The following TPRG1 variants were observed in gnomAD, a reference collection of about 807,000 sequenced individuals.
TPRG1 encodes tumor protein p63-regulated gene 1 protein.
In TPRG1, 29 loss-of-function variants were observed where a neutral mutation model predicts 29.3. That is an observed-to-expected ratio of 0.99 (90% CI 0.74 to 1.35). The LOEUF is 1.35. Ranked by LOEUF, TPRG1 falls within the 40% of genes most tolerant of loss-of-function variation. The pLI is 0.00. For synonymous variants in TPRG1, 130 were observed against 116.8 expected (o/e 1.11, Z -0.73); for missense variants, 327 against 335.0 (o/e 0.98, Z 0.19).
intron 3 of TPRG1, among the ~76,000 whole-genome samples, chr3:189,222,669 C>T (rs1345088155): frequency 6.6e-6 from 1 of 152,220 alleles, no homozygotes; most frequent in Non-Finnish European, 1.5e-5. Flanking sequence ...CCAGATCACT[C>T]TCATGTTCAT....
chr3:189,310,653 ATAAAAT>A, intron 5 of TPRG1, 114 bp downstream of exon 5: 2 of 506,848 alleles, frequency 3.9e-6, no homozygotes, highest in South Asian at 1.7e-4. Flanking sequence ...ATAAAATAAA[ATAAAAT>A]AAAATAAAAC....
At chr3:189,172,461 T>G (rs985965823) in intron 1 of TPRG1, among the ~76,000 whole-genome samples, 1 of 152,196 alleles carries the variant, frequency 6.6e-6, no homozygotes, top group Non-Finnish European at 1.5e-5. Context: ...GCTTGGTCAA[T>G]TGAAGTGATT....
At position 189,230,891 on chromosome 3, in the gene TPRG1, C is replaced by T. The variant is rs561880212; in HGVS notation, c.303-7842C>T. ...GTTCAATCACAAATCAGTAACTTCA[C>T]TTTTCAGCTATTAATATCATCCTGA... On this transcript the variant is annotated intron_variant, in intron 3 of 5. Transcript: ENST00000345063. 5.3e-4 allele frequency among the ~76,000 whole-genome samples: 80 copies of T among 152,294 alleles called. No homozygotes were observed. In the South Asian group the frequency reaches 0.016, roughly 30 times the overall value.
chr3:189,215,387 A>G lies in TPRG1; in HGVS notation c.302+4A>G, dbSNP rs1196861657. On this transcript the variant is annotated splice_donor_region_variant and intron_variant, in intron 3 of 5. Transcript: ENST00000345063. Reference sequence around the variant, plus strand: ...AAGGCTTCTGGCTCTTGACAAAGTGAGTAGTCACAGCTAAGTGAAGGGCCG... The same window carrying G: ...AAGGCTTCTGGCTCTTGACAAAGTGGGTAGTCACAGCTAAGTGAAGGGCCG... 1.2e-6 allele frequency: 2 copies of G among 1,609,552 alleles called. No homozygotes were observed. The highest frequency in any genetic ancestry group is 2.7e-5 in the African/African-American group (2 of 74,598).
chr3:189,083,512 C>T (rs1002450787), intron 4 of TPRG1, among the ~76,000 whole-genome samples: 1 of 152,196 alleles, frequency 6.6e-6, no homozygotes, highest in Non-Finnish European at 1.5e-5. Context: ...AATTTTAATA[C>T]CAGCTTTGTC....
At chr3:189,106,833 G>T (rs1216273316) in intron 1 of TPRG1, among the ~76,000 whole-genome samples, 1 of 151,890 alleles carries the variant, frequency 6.6e-6, no homozygotes, top group African/African-American at 2.4e-5. Flanking sequence ...ATGAACCTAG[G>T]GCCCAGAAAA....
chr3:189,295,913 T>TTA (rs1553941844), intron 4 of TPRG1, among the ~76,000 whole-genome samples: 1 of 97,236 alleles, frequency 1.0e-5, no homozygotes, highest in African/African-American at 5.0e-5. Context: ...AATGATGCTT[T>TTA]AAAAAAAAAA....
chr3:189,124,348 T>C (rs906264289), intron 1 of TPRG1, among the ~76,000 whole-genome samples: 3 of 152,068 alleles, frequency 2.0e-5, no homozygotes, highest in Non-Finnish European at 4.4e-5. Context: ...TGACAAAAGC[T>C]CCATCCTGTA....
intron 1 of TPRG1, among the ~76,000 whole-genome samples, chr3:189,108,414 C>T (rs1267458395): frequency 6.6e-6 from 1 of 152,026 alleles, no homozygotes. Context: ...ACATAATTGC[C>T]ATGACAGAGG....
intron 4 of TPRG1, among the ~76,000 whole-genome samples, chr3:189,271,939 T>A (rs1715208028): frequency 6.6e-6 from 1 of 152,218 alleles, no homozygotes; most frequent in Admixed American, 6.5e-5. Context: ...TGGTATCTGG[T>A]CAGTCTAAAA....
chr3:189,091,685 T>C (rs939411400), intron 4 of TPRG1, among the ~76,000 whole-genome samples: 3 of 152,184 alleles, frequency 2.0e-5, no homozygotes, highest in Admixed American at 6.5e-5. Flanking sequence ...TTTTTCTCTC[T>C]CCTCCTCCTC....
chr3:189,260,428 A>G (rs935301560), intron 4 of TPRG1, among the ~76,000 whole-genome samples: 13 of 152,284 alleles, frequency 8.5e-5, no homozygotes, highest in Admixed American at 7.8e-4. Flanking sequence ...ATTGAATCCT[A>G]TACCCTTGTA....
At chr3:189,201,584 A>G (rs907999084) in intron 1 of TPRG1, among the ~76,000 whole-genome samples, 1 of 152,204 alleles carries the variant, frequency 6.6e-6, no homozygotes, top group African/African-American at 2.4e-5. Flanking sequence ...GAAGACAAGC[A>G]TCTTTAATGC....
intron 3 of TPRG1, among the ~76,000 whole-genome samples, chr3:189,010,630 T>G (rs1712549042): frequency 6.6e-6 from 1 of 152,208 alleles, no homozygotes; most frequent in African/African-American, 2.4e-5. Flanking sequence ...AATGGGGTTG[T>G]TTTTCTTTTG....
At chr3:189,161,807 C>T (rs9860336) in intron 5 of TPRG1, among the ~76,000 whole-genome samples, 36,938 of 151,938 alleles carry the variant, frequency 0.24, 4,688 homozygotes, top group South Asian at 0.4. Context: ...AGATACTGCA[C>T]GTGCTGTGAA....
At chr3:189,019,437 A>G (rs1204749548) in intron 3 of TPRG1, among the ~76,000 whole-genome samples, 1 of 152,180 alleles carries the variant, frequency 6.6e-6, no homozygotes, top group Non-Finnish European at 1.5e-5. Context: ...AGTTTTTAGC[A>G]TGAAGAGTTG....
At chr3:189,160,282 T>C (rs1395948164) in intron 5 of TPRG1, among the ~76,000 whole-genome samples, 1 of 152,150 alleles carries the variant, frequency 6.6e-6, no homozygotes, top group East Asian at 1.9e-4. Context: ...GGGAAGATGA[T>C]CTCACATGGC....
chr3:189,000,037 A>G (rs557814071), intron 1 of TPRG1, among the ~76,000 whole-genome samples: 19 of 152,292 alleles, frequency 1.2e-4, no homozygotes, highest in African/African-American at 4.6e-4. Context: ...GGATACTATA[A>G]TAAAAAAGAA....
intron 4 of TPRG1, among the ~76,000 whole-genome samples, chr3:189,034,706 A>C (rs966891521): frequency 6.6e-6 from 1 of 152,138 alleles, no homozygotes; most frequent in African/African-American, 2.4e-5. Flanking sequence ...AAAGAATAAT[A>C]ATTAAATACA....
Sources: gnomAD v4.1 joint callset for allele counts (sites outside exome capture counted in the v4.1 genomes callset) on GRCh38, gnomAD v4.1.1 for gene constraint, MANE v1.5 for transcripts, NCBI Gene and HGNC (gene_info 2026-07-23, HGNC 2026-07-21) for gene names.